RIMS3: variants seen among roughly 807,000 people sequenced by gnomAD.
RIMS3 encodes regulating synaptic membrane exocytosis protein 3.
A neutral mutation model predicts 29.2 loss-of-function variants in RIMS3; 15 were observed. The observed-to-expected ratio is 0.51, with a 90% CI of 0.34 to 0.79. The LOEUF (loss-of-function observed/expected upper bound fraction) is 0.79, where lower values mean the gene tolerates loss of function less well. RIMS3 is among the 30% of genes least tolerant of loss of function. RIMS3 has a pLI of 0.01. For missense variants in RIMS3, 342 were observed against 421.4 expected, an observed-to-expected ratio of 0.81 and a Z score of 1.65; for synonymous variants, 161 against 170.1, an observed-to-expected ratio of 0.95 and a Z score of 0.41.
chr1:40,680,210 A>G, the RIMS3 span, among the ~76,000 whole-genome samples: 1 of 151,958 alleles, frequency 6.6e-6, no homozygotes, highest in African/African-American at 2.4e-5. Context: ...AAGCAAAACC[A>G]TGCGAGACCA....
chr1:40,688,492 G>A, the RIMS3 span, among the ~76,000 whole-genome samples: 1 of 152,106 alleles, frequency 6.6e-6, no homozygotes, highest in Admixed American at 6.5e-5. Context: ...TATTTGCCAA[G>A]CTCACAGAAA....
At chr1:40,673,290 C>A in the RIMS3 span, 3 of 152,284 alleles carry the variant, frequency 2.0e-5, no homozygotes, top group East Asian at 5.8e-4. Flanking sequence ...GCTCCCTCCT[C>A]TTGAATTTTT....
chr1:40,683,100 T>A, the RIMS3 span, among the ~76,000 whole-genome samples: 4 of 152,092 alleles, frequency 2.6e-5, no homozygotes, highest in South Asian at 4.1e-4. Flanking sequence ...TTCACCTCTC[T>A]AGCTCAGAGA....
At chr1:40,666,170 T>C (rs1335531876), upstream of RIMS3, among the ~76,000 whole-genome samples, 1 of 152,178 alleles carries the variant, frequency 6.6e-6, no homozygotes, top group Non-Finnish European at 1.5e-5. Flanking sequence ...GACTTTATAA[T>C]GTCCCTTTCA....
intron 1 of RIMS3, among the ~76,000 whole-genome samples, chr1:40,656,424 G>A (rs1642274073): frequency 6.6e-6 from 1 of 152,216 alleles, no homozygotes; most frequent in South Asian, 2.1e-4. Context: ...GCCAGGCAAT[G>A]TTCTGAGCCT....
In RIMS3 at chr1:40,622,065, G is replaced by A. The variant is rs948866520; in HGVS notation, c.*4452C>T. 3 of 152,776 alleles carry A rather than the reference G, an allele frequency of 2.0e-5. No homozygotes were observed. Among genetic ancestry groups the A allele is most frequent in the Admixed American group, 6.5e-5 (1 of 15,272 alleles). The allele number at this position is 152,776 out of a possible 1,614,324, so 9.5% of individuals were successfully genotyped here. A position where few individuals can be genotyped will look rare whatever the true frequency, so the allele number is the denominator to read the frequency against. ...ACACAAGCCCAAGCTCAGGGTTCGG[G>A]GGGAGGGGAGGGAGGGAAAGTTGCT... is the stretch of plus-strand genomic sequence containing the variant. On this transcript the variant is annotated 3_prime_UTR_variant, in exon 8 of 8. Transcript: ENST00000372684.
At chr1:40,653,928 C>T (rs1642232028) in intron 1 of RIMS3, among the ~76,000 whole-genome samples, 1 of 151,044 alleles carries the variant, frequency 6.6e-6, no homozygotes, top group Non-Finnish European at 1.5e-5. Flanking sequence ...CAATAAGATA[C>T]ACATTTGGTT....
chr1:40,663,518 G>A lies in RIMS3; in HGVS notation c.-207+1876C>T, dbSNP rs553893251. On this transcript the variant is annotated intron_variant, in intron 1 of 7. Coordinates refer to ENST00000372684, the MANE Select transcript of RIMS3 (RefSeq NM_014747.3). ...TCCAGCTGATGCAATGCCCAGGCCA[G>A]ATAATTGTTTTCTTCCCTCCTTAAA... 2.6e-5 allele frequency among the ~76,000 whole-genome samples: 4 copies of A among 152,290 alleles called. No homozygotes were observed. In the East Asian group the frequency reaches 7.7e-4, roughly 29 times the overall value.
chr1:40,628,145 T>C (rs983696277), intron 7 of RIMS3, among the ~76,000 whole-genome samples: 3 of 152,198 alleles, frequency 2.0e-5, no homozygotes, highest in African/African-American at 7.2e-5. Flanking sequence ...TGTTTAATAG[T>C]CACATCTACC....
the RIMS3 span, among the ~76,000 whole-genome samples, chr1:40,671,757 CTTTT>C: frequency 3.1e-5 from 4 of 130,278 alleles, no homozygotes; most frequent in Admixed American, 1.6e-4. Flanking sequence ...CCTTTCTTTT[CTTTT>C]TTTTTTTTTT....
chr1:40,642,364 C>A (rs1019360244), intron 2 of RIMS3, among the ~76,000 whole-genome samples: 4 of 152,130 alleles, frequency 2.6e-5, no homozygotes, highest in Non-Finnish European at 1.5e-5. Context: ...TTAAATAATG[C>A]ACAGGAAGTG....
chr1:40,688,574 C>T, the RIMS3 span, among the ~76,000 whole-genome samples: 1 of 152,202 alleles, frequency 6.6e-6, no homozygotes, highest in African/African-American at 2.4e-5. Flanking sequence ...CTAGAATACT[C>T]TAGGTGGCAG....
At chr1:40,684,759 A>G in the RIMS3 span, among the ~76,000 whole-genome samples, 1 of 152,216 alleles carries the variant, frequency 6.6e-6, no homozygotes, top group Admixed American at 6.5e-5. Flanking sequence ...TAGAGGAAGG[A>G]AGGGAAGAGT....
chr1:40,647,590 G>C (rs1432470809), intron 2 of RIMS3, 78 bp downstream of exon 2: 1 of 152,122 alleles, frequency 6.6e-6, no homozygotes, highest in Non-Finnish European at 1.5e-5. Context: ...TCAACCCTAA[G>C]TCCCCTAACT....
At chr1:40,680,416 C>T in the RIMS3 span, among the ~76,000 whole-genome samples, 1 of 150,856 alleles carries the variant, frequency 6.6e-6, no homozygotes, top group Non-Finnish European at 1.5e-5. Flanking sequence ...ACTGCAACCT[C>T]CGCCTTCTGG....
chr1:40,668,335 T>C (rs569396493), upstream of RIMS3, among the ~76,000 whole-genome samples: 1 of 151,168 alleles, frequency 6.6e-6, no homozygotes, highest in Non-Finnish European at 1.5e-5. Flanking sequence ...AGTGGGAGGA[T>C]TACCTGAGCC....
At chr1:40,652,252 C>T (rs1259536541) in intron 1 of RIMS3, among the ~76,000 whole-genome samples, 1 of 152,210 alleles carries the variant, frequency 6.6e-6, no homozygotes, top group Non-Finnish European at 1.5e-5. Flanking sequence ...TCCTCAATGA[C>T]CACACCATCC....
At position 40,625,862 on chromosome 1, in the gene RIMS3, C is replaced by T. The variant is rs1021953004; in HGVS notation, c.*655G>A. 3 of 155,362 alleles carry T rather than the reference C, an allele frequency of 1.9e-5. No individual in the cohort carries two copies. The highest frequency in any genetic ancestry group is 7.2e-5 in the African/African-American group (3 of 41,448). 9.6% of individuals were successfully genotyped at this position (155,362 alleles called of 1,614,324 possible). On this transcript the variant is annotated 3_prime_UTR_variant, in exon 8 of 8. Coordinates refer to ENST00000372684, the MANE Select transcript of RIMS3 (RefSeq NM_014747.3). The stretch of plus-strand genomic sequence containing the variant: ...CCTCAGTCCCCTGGGTACCCTCTGC[C>T]TCCCCAGGGCCCTGGCCAGGGAGCT...
At chr1:40,628,531 A>T (rs947453969) in intron 7 of RIMS3, among the ~76,000 whole-genome samples, 1 of 152,260 alleles carries the variant, frequency 6.6e-6, no homozygotes, top group Non-Finnish European at 1.5e-5. Flanking sequence ...TGCAATGAAC[A>T]TTAGCACTAG....
Sources: gnomAD v4.1 joint callset for allele counts (sites outside exome capture counted in the v4.1 genomes callset) on GRCh38, gnomAD v4.1.1 for gene constraint, MANE v1.5 for transcripts, NCBI Gene and HGNC (gene_info 2026-07-23, HGNC 2026-07-21) for gene names.